ARHGAP15: variants seen among roughly 807,000 people sequenced by gnomAD.
ARHGAP15 encodes Rho GTPase activating protein 15.
ARHGAP15 carries 51 observed loss-of-function variants against 63.7 expected under a neutral mutation model. That is an observed-to-expected ratio of 0.80 (90% CI 0.64 to 1.01). ARHGAP15 has a LOEUF of 1.01. ARHGAP15 is among the 50% of genes least tolerant of loss of function. ARHGAP15 has a pLI of 0.00. For synonymous variants in ARHGAP15, 191 were observed against 193.8 expected, an observed-to-expected ratio of 0.99 and a Z score of 0.12; for missense variants, 560 against 564.6, an observed-to-expected ratio of 0.99 and a Z score of 0.08.
At chr2:143,468,542 G>A (rs1260035557) in intron 8 of ARHGAP15, among the ~76,000 whole-genome samples, 2 of 151,900 alleles carry the variant, frequency 1.3e-5, no homozygotes, top group Non-Finnish European at 2.9e-5. Context: ...TGTATTTGAT[G>A]CCATAAAGGA....
At chr2:143,264,740 A>C (rs995079141) in intron 6 of ARHGAP15, among the ~76,000 whole-genome samples, 1 of 152,162 alleles carries the variant, frequency 6.6e-6, no homozygotes, top group Admixed American at 6.6e-5. Flanking sequence ...GATACAAGTA[A>C]TATGTCTACA....
intron 10 of ARHGAP15, among the ~76,000 whole-genome samples, chr2:143,539,116 A>G (rs2592101): frequency 0.33 from 50,861 of 151,974 alleles, 8,738 homozygotes; most frequent in East Asian, 0.42. Context: ...GGGAGGGTGT[A>G]TGTGTTGAGG....
intron 10 of ARHGAP15, among the ~76,000 whole-genome samples, chr2:143,527,862 G>A (rs1042456787): frequency 6.6e-6 from 1 of 151,954 alleles, no homozygotes; most frequent in South Asian, 2.1e-4. Flanking sequence ...ATAGTTGATA[G>A]TATAAAAAGA....
intron 6 of ARHGAP15, among the ~76,000 whole-genome samples, chr2:143,253,365 C>T (rs773964917): frequency 3.9e-4 from 59 of 151,876 alleles, no homozygotes; most frequent in Non-Finnish European, 7.4e-4. Flanking sequence ...CAAAAATGGA[C>T]AGATTTCATT....
intron 11 of ARHGAP15, among the ~76,000 whole-genome samples, chr2:143,621,576 A>T (rs915617260): frequency 1.3e-5 from 2 of 152,176 alleles, no homozygotes; most frequent in African/African-American, 4.8e-5. Flanking sequence ...CTTTCCAACT[A>T]TTTGCCATAT....
intron 10 of ARHGAP15, 192 bp downstream of exon 10, chr2:143,519,556 A>C: frequency 4.7e-6 from 2 of 425,394 alleles, no homozygotes; most frequent in Non-Finnish European, 8.7e-6. Flanking sequence ...AGTAATTCTC[A>C]CTAATGTTCT....
chr2:143,221,855 G>A (rs944365654), intron 4 of ARHGAP15, among the ~76,000 whole-genome samples: 2 of 152,174 alleles, frequency 1.3e-5, no homozygotes, highest in African/African-American at 4.8e-5. Flanking sequence ...TTGTGCAGTG[G>A]TTACGTCTAC....
chr2:143,206,855 G>C (rs114656108), intron 3 of ARHGAP15, among the ~76,000 whole-genome samples: 1,607 of 152,100 alleles, frequency 0.011, 17 homozygotes, highest in Non-Finnish European at 0.016. Flanking sequence ...TAAAAAGTTT[G>C]CTCTGAAGTA....
At chr2:143,416,355 T>C (rs1359611857) in intron 6 of ARHGAP15, among the ~76,000 whole-genome samples, 1 of 152,200 alleles carries the variant, frequency 6.6e-6, no homozygotes, top group Non-Finnish European at 1.5e-5. Flanking sequence ...TAAATAGCAC[T>C]TTCTCTTTGC....
intron 6 of ARHGAP15, among the ~76,000 whole-genome samples, chr2:143,391,172 C>A (rs1558939966): frequency 6.6e-6 from 1 of 152,136 alleles, no homozygotes; most frequent in African/African-American, 2.4e-5. Flanking sequence ...TATTACAGGT[C>A]CAGGCCTTTT....
chr2:143,667,090 G>A (rs1423885064), intron 12 of ARHGAP15, among the ~76,000 whole-genome samples: 4 of 151,216 alleles, frequency 2.6e-5, no homozygotes, highest in Admixed American at 6.6e-5. Flanking sequence ...AAAGGACTAT[G>A]AATCATGCTG....
At chr2:143,537,224 T>C (rs1302355576) in intron 10 of ARHGAP15, among the ~76,000 whole-genome samples, 1 of 151,900 alleles carries the variant, frequency 6.6e-6, no homozygotes, top group African/African-American at 2.4e-5. Context: ...TTGACGAGGT[T>C]GTTTGTTTTT....
At chr2:143,215,164 T>G (rs185884495) in intron 3 of ARHGAP15, among the ~76,000 whole-genome samples, 2 of 152,306 alleles carry the variant, frequency 1.3e-5, no homozygotes, top group East Asian at 3.9e-4. Flanking sequence ...GCTGTCACAG[T>G]GACAATGGCA....
At position 143,716,242 on chromosome 2, in the gene ARHGAP15, A is replaced by C. The variant is rs539034994; in HGVS notation, c.1244+12718A>C. Among the ~76,000 whole-genome samples the C allele has an allele frequency of 7.2e-5, 11 of 152,286 alleles. No individual in the cohort carries two copies. In the South Asian group the frequency reaches 2.3e-3, roughly 32 times the overall value. On this transcript the variant is annotated intron_variant, in intron 13 of 13. Coordinates refer to ENST00000295095, the MANE Select transcript of ARHGAP15 (RefSeq NM_018460.4). ...TAAAAGGGTGCAAGCACTACAATGA[A>C]TGAGTTCTAAAAGAGGCTGGCCACA...
intron 9 of ARHGAP15, among the ~76,000 whole-genome samples, chr2:143,490,022 T>C (rs1052022741): frequency 2.6e-5 from 4 of 152,162 alleles, no homozygotes; most frequent in African/African-American, 4.8e-5. Context: ...TGTTTTGTGA[T>C]GGAGTCTCGC....
At chr2:143,317,449 G>A (rs1435002926) in intron 6 of ARHGAP15, among the ~76,000 whole-genome samples, 4 of 152,174 alleles carry the variant, frequency 2.6e-5, no homozygotes, top group Admixed American at 1.3e-4. Context: ...TAAATTCTTT[G>A]GGAGTTGAAG....
At chr2:143,742,392 C>T (rs1464909412) in intron 13 of ARHGAP15, among the ~76,000 whole-genome samples, 8 of 152,178 alleles carry the variant, frequency 5.3e-5, no homozygotes, top group South Asian at 2.1e-4. Flanking sequence ...GACCGTGCAA[C>T]GCCAAGTCTA....
chr2:143,271,714 G>T (rs1403639538), intron 6 of ARHGAP15, among the ~76,000 whole-genome samples: 2 of 152,202 alleles, frequency 1.3e-5, no homozygotes, highest in Non-Finnish European at 2.9e-5. Context: ...CTGACCTCGT[G>T]ATCCGCCCGC....
chr2:143,753,498 A>G (rs1384369516), intron 13 of ARHGAP15, among the ~76,000 whole-genome samples: 1 of 152,220 alleles, frequency 6.6e-6, no homozygotes, highest in Admixed American at 6.5e-5. Flanking sequence ...CGATAGAATC[A>G]TGAGTTAGCC....
Sources: gnomAD v4.1 joint callset for allele counts (sites outside exome capture counted in the v4.1 genomes callset) on GRCh38, gnomAD v4.1.1 for gene constraint, MANE v1.5 for transcripts, NCBI Gene and HGNC (gene_info 2026-07-23, HGNC 2026-07-21) for gene names.